The following VAV3 variants were observed in gnomAD, a reference collection of about 807,000 sequenced individuals.
The protein encoded by VAV3 is guanine nucleotide exchange factor VAV3.
Under a neutral mutation model 131.2 loss-of-function variants are expected in VAV3, and 94 were observed. The observed-to-expected ratio is 0.72, with a 90% CI of 0.61 to 0.85. The LOEUF (loss-of-function observed/expected upper bound fraction) is 0.85, where lower values mean the gene tolerates loss of function less well. VAV3 is among the 40% of genes least tolerant of loss of function. The pLI is 0.00. For synonymous variants in VAV3, 349 were observed against 342.0 expected (o/e 1.02, Z -0.22); for missense variants, 939 against 1,002.7 (o/e 0.94, Z 0.86).
chr1:107,906,021 G>A lies in VAV3; in HGVS notation c.205-31004C>T, dbSNP rs1672088737. Among the ~76,000 whole-genome samples, 3 of 152,056 alleles carry A rather than the reference G, an allele frequency of 2.0e-5. No individual in the cohort carries two copies. In the South Asian group the frequency reaches 6.2e-4, roughly 32 times the overall value. On this transcript the variant is annotated intron_variant, in intron 1 of 26. Transcript: ENST00000370056. ...CCACCAGAATGTTGAGATTACCAAG[G>A]AACTGTGCCTATATTGTAAAAGAAA... is the stretch of plus-strand genomic sequence containing the variant.
chr1:107,863,799 T>C (rs1228623222), intron 2 of VAV3, among the ~76,000 whole-genome samples: 1 of 152,200 alleles, frequency 6.6e-6, no homozygotes, highest in Non-Finnish European at 1.5e-5. Flanking sequence ...GAGGAATCCT[T>C]GAAACAGCAA....
intron 2 of VAV3, among the ~76,000 whole-genome samples, chr1:107,847,163 T>C (rs1051228232): frequency 1.5e-4 from 23 of 152,192 alleles, no homozygotes; most frequent in Non-Finnish European, 2.9e-4. Context: ...AACCTGCTCC[T>C]GAACGACTAC....
chr1:107,890,515 C>T (rs754704113), intron 1 of VAV3, among the ~76,000 whole-genome samples: 24 of 152,180 alleles, frequency 1.6e-4, no homozygotes, highest in Non-Finnish European at 2.9e-4. Flanking sequence ...CCCCTCACCA[C>T]ATTCTCACCA....
intron 1 of VAV3, among the ~76,000 whole-genome samples, chr1:107,954,773 G>GGGGGGGC: frequency 2.0e-5 from 3 of 148,414 alleles, no homozygotes; most frequent in Admixed American, 6.6e-5. Flanking sequence ...ATGGGAGGGG[G>GGGGGGGC]GGAAATTCAT....
At chr1:107,830,074 C>G (rs547341923) in intron 2 of VAV3, among the ~76,000 whole-genome samples, 13 of 152,272 alleles carry the variant, frequency 8.5e-5, no homozygotes, top group African/African-American at 2.9e-4. Flanking sequence ...GTTCCTTTCA[C>G]CTTTTAAAAT....
chr1:107,803,711 T>C (rs891691483), intron 2 of VAV3, among the ~76,000 whole-genome samples: 2 of 152,120 alleles, frequency 1.3e-5, no homozygotes, highest in African/African-American at 4.8e-5. Context: ...ATGAAAATAA[T>C]GTGTATTCTA....
At chr1:107,714,291 T>C (rs1238374340) in intron 15 of VAV3, among the ~76,000 whole-genome samples, 1 of 152,100 alleles carries the variant, frequency 6.6e-6, no homozygotes, top group African/African-American at 2.4e-5. Flanking sequence ...AATTACCAAT[T>C]AAACATTAAA....
intron 2 of VAV3, among the ~76,000 whole-genome samples, chr1:107,851,168 T>A (rs1474640303): frequency 1.8e-5 from 2 of 110,918 alleles, no homozygotes; most frequent in African/African-American, 7.8e-5. Flanking sequence ...TGAGACTCCG[T>A]CTCAAAAAAA....
At chr1:107,737,269 C>T (rs1662707507) in intron 15 of VAV3, among the ~76,000 whole-genome samples, 1 of 152,170 alleles carries the variant, frequency 6.6e-6, no homozygotes, top group Non-Finnish European at 1.5e-5. Flanking sequence ...AAAACCTAGG[C>T]AATACCATTC....
intron 2 of VAV3, among the ~76,000 whole-genome samples, chr1:107,861,922 G>C (rs372203124): frequency 6.6e-6 from 1 of 151,606 alleles, no homozygotes; most frequent in African/African-American, 2.4e-5. Flanking sequence ...ACATACTTCA[G>C]TGGGGAGTGT....
chr1:107,924,899 T>C (rs1414450367), intron 1 of VAV3, among the ~76,000 whole-genome samples: 1 of 152,224 alleles, frequency 6.6e-6, no homozygotes, highest in Non-Finnish European at 1.5e-5. Flanking sequence ...TAAAAGCCAC[T>C]CTTAGTTCTA....
At chr1:107,839,713 T>C (rs1001420666) in intron 2 of VAV3, among the ~76,000 whole-genome samples, 6 of 151,848 alleles carry the variant, frequency 4.0e-5, no homozygotes, top group Admixed American at 6.6e-5. Context: ...AGGTAAACAA[T>C]AGGAGGAACC....
chr1:107,680,991 T>C (rs1406279968), intron 19 of VAV3, among the ~76,000 whole-genome samples: 1 of 152,202 alleles, frequency 6.6e-6, no homozygotes, highest in Non-Finnish European at 1.5e-5. Context: ...TCATCACTTA[T>C]TAATTCATGT....
intron 2 of VAV3, among the ~76,000 whole-genome samples, chr1:107,783,799 A>G (rs759211435): frequency 6.6e-6 from 1 of 151,928 alleles, no homozygotes; most frequent in African/African-American, 2.4e-5. Flanking sequence ...CTGTAATCCC[A>G]GCACTTTGGG....
At chr1:107,594,204 T>A (rs1651186825) in intron 25 of VAV3, among the ~76,000 whole-genome samples, 1 of 152,080 alleles carries the variant, frequency 6.6e-6, no homozygotes, top group Non-Finnish European at 1.5e-5. Flanking sequence ...GACCACTCTA[T>A]ATAAAAATAT....
At chr1:107,944,730 G>A (rs993799236) in intron 1 of VAV3, among the ~76,000 whole-genome samples, 6 of 152,186 alleles carry the variant, frequency 3.9e-5, no homozygotes, top group Admixed American at 6.5e-5. Flanking sequence ...TCAGCCTCTC[G>A]AGTAGCTGGG....
At chr1:107,752,286 T>C (rs187673384) in intron 12 of VAV3, among the ~76,000 whole-genome samples, 18 of 152,256 alleles carry the variant, frequency 1.2e-4, no homozygotes, top group African/African-American at 3.4e-4. Context: ...GATATCCACA[T>C]GTAAAAGAAT....
intron 1 of VAV3, among the ~76,000 whole-genome samples, chr1:107,899,498 T>C (rs942748612): frequency 8.5e-5 from 13 of 152,154 alleles, no homozygotes; most frequent in African/African-American, 3.1e-4. Context: ...TGTGAAGGGC[T>C]ACAAAGGCAC....
intron 15 of VAV3, among the ~76,000 whole-genome samples, chr1:107,719,281 T>C (rs1661335364): frequency 6.6e-6 from 1 of 152,162 alleles, no homozygotes; most frequent in African/African-American, 2.4e-5. Flanking sequence ...ACCTACAGAA[T>C]GGGAGAAAAT....
Sources: allele counts gnomAD v4.1 joint callset (sites outside exome capture counted in the v4.1 genomes callset), GRCh38; gene constraint gnomAD v4.1.1; transcripts MANE v1.5; gene names NCBI Gene and HGNC (gene_info 2026-07-23, HGNC 2026-07-21).